The following ZNF385D variants were observed in gnomAD, a reference collection of about 807,000 sequenced individuals.
The protein encoded by ZNF385D is zinc finger protein 659.
ZNF385D carries 15 observed loss-of-function variants against 35.8 expected under a neutral mutation model. That is an observed-to-expected ratio of 0.42 (90% CI 0.28 to 0.64). The LOEUF is 0.64. Ranked by LOEUF, ZNF385D falls within the 30% of genes least tolerant of loss-of-function variation. ZNF385D has a pLI of 0.23. For synonymous variants in ZNF385D, 212 were observed against 186.8 expected (o/e 1.13, Z -1.10); for missense variants, 474 against 494.6 (o/e 0.96, Z 0.39).
intron 2 of ZNF385D, among the ~76,000 whole-genome samples, chr3:22,174,854 AAC>A: frequency 6.6e-6 from 1 of 152,140 alleles, no homozygotes; most frequent in Non-Finnish European, 1.5e-5. Context: ...ATTTATACAG[AAC>A]ACAACAGGTG....
chr3:22,223,954 A>G (rs1339634549), intron 2 of ZNF385D, among the ~76,000 whole-genome samples: 3 of 152,158 alleles, frequency 2.0e-5, no homozygotes, highest in African/African-American at 4.8e-5. Flanking sequence ...TCACCATCAT[A>G]CATGGCCTAT....
chr3:22,201,398 A>G (rs1038043410), intron 2 of ZNF385D, among the ~76,000 whole-genome samples: 1 of 152,166 alleles, frequency 6.6e-6, no homozygotes, highest in Non-Finnish European at 1.5e-5. Context: ...AAAAAATAGT[A>G]GAGGTAGCTA....
At chr3:21,812,998 C>T (rs2072997632) in intron 3 of ZNF385D, among the ~76,000 whole-genome samples, 1 of 152,158 alleles carries the variant, frequency 6.6e-6, no homozygotes, top group South Asian at 2.1e-4. Context: ...GATGAAGCTT[C>T]CAGAGGAAGC....
intron 2 of ZNF385D, among the ~76,000 whole-genome samples, chr3:22,370,055 T>C (rs150300403): frequency 3.7e-4 from 56 of 152,330 alleles, no homozygotes; most frequent in African/African-American, 1.3e-3. Flanking sequence ...ATTATTGAAC[T>C]TTTGATGCAC....
chr3:21,948,705 C>T (rs986643982), intron 3 of ZNF385D, among the ~76,000 whole-genome samples: 1 of 136,452 alleles, frequency 7.3e-6, no homozygotes, highest in Non-Finnish European at 1.5e-5. Context: ...TTGCATGAGA[C>T]AAATATTTCA....
At chr3:22,344,560 T>G (rs2125485084) in intron 2 of ZNF385D, among the ~76,000 whole-genome samples, 1 of 150,922 alleles carries the variant, frequency 6.6e-6, no homozygotes, top group Non-Finnish European at 1.5e-5. Context: ...TGCCTCATTT[T>G]GGGGTTTTCT....
At chr3:22,190,391 G>A (rs756072315) in intron 2 of ZNF385D, among the ~76,000 whole-genome samples, 1 of 152,140 alleles carries the variant, frequency 6.6e-6, no homozygotes, top group Non-Finnish European at 1.5e-5. Flanking sequence ...GATAATTCTA[G>A]TTTTAAATTC....
chr3:22,228,447 T>C (rs1034518261), intron 2 of ZNF385D, among the ~76,000 whole-genome samples: 1 of 152,088 alleles, frequency 6.6e-6, no homozygotes, highest in African/African-American at 2.4e-5. Flanking sequence ...ATGTGGAAGA[T>C]CAGTCAGCAC....
At chr3:21,580,335 A>AAT in intron 2 of ZNF385D, among the ~76,000 whole-genome samples, 2 of 152,334 alleles carry the variant, frequency 1.3e-5, no homozygotes, top group African/African-American at 4.8e-5. Context: ...TGAAATAAGT[A>AAT]GTGTACCAAT....
At chr3:22,331,115 T>C (rs1694914941) in intron 2 of ZNF385D, among the ~76,000 whole-genome samples, 1 of 152,240 alleles carries the variant, frequency 6.6e-6, no homozygotes, top group African/African-American at 2.4e-5. Context: ...AAATTTACCA[T>C]AAATTGATTT....
intron 3 of ZNF385D, among the ~76,000 whole-genome samples, chr3:22,009,974 A>G (rs1329562214): frequency 6.6e-6 from 1 of 152,128 alleles, no homozygotes; most frequent in Non-Finnish European, 1.5e-5. Flanking sequence ...AAACAGTAGG[A>G]AGGACATAAA....
chr3:21,516,181 G>A (rs554721207), intron 3 of ZNF385D, among the ~76,000 whole-genome samples: 1 of 152,306 alleles, frequency 6.6e-6, no homozygotes, highest in African/African-American at 2.4e-5. Context: ...AGTCTTTGGA[G>A]AGACTAATTT....
At chr3:21,584,239 A>G (rs929446180) in intron 2 of ZNF385D, among the ~76,000 whole-genome samples, 5 of 152,104 alleles carry the variant, frequency 3.3e-5, no homozygotes, top group African/African-American at 7.2e-5. Flanking sequence ...TTGGCCTCCC[A>G]AAGTGCTGGG....
In ZNF385D at chr3:22,011,880, C is replaced by T. The variant is rs75646855; in HGVS notation, c.325+156937G>A. Among the ~76,000 whole-genome samples the T allele has an allele frequency of 7.4e-3, 1,130 of 152,234 alleles. 44 individuals carry two copies. The highest frequency in any genetic ancestry group is 0.066 in the Admixed American group (1,006 of 15,294). ...TGTAATCATGCTACTATTCTACATA[C>T]TGCATATAGTAGCACCAACAAATAA... On this transcript the variant is annotated intron_variant, in intron 3 of 5. Coordinates refer to the ZNF385D transcript ENST00000494108.
intron 3 of ZNF385D, among the ~76,000 whole-genome samples, chr3:22,063,227 T>G (rs1214371257): frequency 6.6e-6 from 1 of 152,216 alleles, no homozygotes; most frequent in East Asian, 1.9e-4. Flanking sequence ...TCTATTTCAC[T>G]GGTTTACTGA....
rs911981113 is a variant in ZNF385D, at chr3:22,241,090, A to T, written c.107-72055T>A. ...AATGAAGAGCTCCAAAGTAGCAGAT[A>T]TTCAGTATGTTTGATCGATAACTAA... On this transcript the variant is annotated intron_variant, in intron 2 of 5. Transcript: ENST00000494108. Among the ~76,000 whole-genome samples the T allele has an allele frequency of 1.6e-4, 24 of 151,264 alleles. 3 individuals carry two copies. The highest frequency in any genetic ancestry group is 5.6e-4 in the African/African-American group (23 of 40,948).
At chr3:21,754,860 A>G (rs1201945165), upstream of ZNF385D, among the ~76,000 whole-genome samples, 3 of 152,238 alleles carry the variant, frequency 2.0e-5, no homozygotes, top group African/African-American at 7.2e-5. Context: ...ATATTTGTGA[A>G]TGAGGGAATG....
chr3:21,885,426 G>GA (rs1226955108), intron 3 of ZNF385D, among the ~76,000 whole-genome samples: 2 of 151,590 alleles, frequency 1.3e-5, no homozygotes, highest in Non-Finnish European at 2.9e-5. Flanking sequence ...AAAATTTGAT[G>GA]AAAAAAATAG....
In ZNF385D at chr3:22,188,977, G is replaced by A. The variant is rs985599061; in HGVS notation, c.107-19942C>T. On this transcript the variant is annotated intron_variant, in intron 2 of 5. Transcript: ENST00000494108. ...TGCTGCTGAGCAGAGAATATACGCT[G>A]ATTTAGAGCAAGTTCTCTTAGAAAG... Among the ~76,000 whole-genome samples, 3 of 152,228 alleles carry A rather than the reference G, an allele frequency of 2.0e-5. No individual in the cohort carries two copies. The East Asian group carries it at 5.8e-4, about 29-fold the overall frequency.
Sources: allele counts gnomAD v4.1 joint callset (sites outside exome capture counted in the v4.1 genomes callset), GRCh38; gene constraint gnomAD v4.1.1; transcripts MANE v1.5; gene names NCBI Gene and HGNC (gene_info 2026-07-23, HGNC 2026-07-21).